The following CDKAL1 variants were observed in gnomAD, a reference collection of about 807,000 sequenced individuals.
CDKAL1 encodes CDKAL1 threonylcarbamoyladenosine tRNA methylthiotransferase, also known as threonylcarbamoyladenosine tRNA methylthiotransferase.
CDKAL1 carries 32 observed loss-of-function variants against 68.2 expected under a neutral mutation model. The observed-to-expected ratio is 0.47, with a 90% confidence interval of 0.35 to 0.63. The LOEUF (loss-of-function observed/expected upper bound fraction) is 0.63, where lower values mean the gene tolerates loss of function less well. Ranked by LOEUF, CDKAL1 falls within the 30% of genes least tolerant of loss-of-function variation. CDKAL1 has a pLI of 0.00. For missense variants in CDKAL1, 606 were observed against 696.7 expected (o/e 0.87, Z 1.47); for synonymous variants, 234 against 244.3 (o/e 0.96, Z 0.39).
At chr6:20,836,082 A>G (rs1284302003) in intron 8 of CDKAL1, among the ~76,000 whole-genome samples, 1 of 152,120 alleles carries the variant, frequency 6.6e-6, no homozygotes, top group Admixed American at 6.6e-5. Context: ...TCCTATGTAG[A>G]TGAAAAAGGA....
At chr6:20,788,592 G>A (rs1267747237) in intron 8 of CDKAL1, among the ~76,000 whole-genome samples, 10 of 152,154 alleles carry the variant, frequency 6.6e-5, no homozygotes, top group African/African-American at 2.4e-4. Flanking sequence ...AGTAAATTAG[G>A]TGAGATCTTA....
At chr6:20,592,790 G>C (rs1254343646) in intron 4 of CDKAL1, among the ~76,000 whole-genome samples, 1 of 152,050 alleles carries the variant, frequency 6.6e-6, no homozygotes, top group Non-Finnish European at 1.5e-5. Context: ...ATTCAGTTTG[G>C]TATTGGCTAT....
At chr6:20,946,369 T>C (rs1040001379) in intron 9 of CDKAL1, among the ~76,000 whole-genome samples, 2 of 152,186 alleles carry the variant, frequency 1.3e-5, no homozygotes, top group Admixed American at 6.5e-5. Flanking sequence ...CTTAGTACCT[T>C]GATTCATTCA....
chr6:20,669,941 A>AT (rs1391132889), intron 5 of CDKAL1, among the ~76,000 whole-genome samples: 1 of 151,942 alleles, frequency 6.6e-6, no homozygotes, highest in African/African-American at 2.4e-5. Context: ...ACAAACACCT[A>AT]TAACTATTTC....
chr6:20,876,480 T>G (rs1214736421), intron 9 of CDKAL1, among the ~76,000 whole-genome samples: 1 of 152,250 alleles, frequency 6.6e-6, no homozygotes, highest in African/African-American at 2.4e-5. Flanking sequence ...AGTGGACATA[T>G]TTTAGGCAAA....
intron 9 of CDKAL1, among the ~76,000 whole-genome samples, chr6:20,941,950 A>T (rs1452323988): frequency 3.3e-5 from 5 of 152,216 alleles, no homozygotes; most frequent in African/African-American, 1.2e-4. Flanking sequence ...CGGCAAGAGG[A>T]TAACTAACAT....
intron 10 of CDKAL1, among the ~76,000 whole-genome samples, chr6:20,969,717 T>C (rs1415642181): frequency 6.6e-6 from 1 of 152,180 alleles, no homozygotes; most frequent in African/African-American, 2.4e-5. Flanking sequence ...CCTGGAATGC[T>C]CCATCAGGTA....
At chr6:20,803,729 C>G (rs1164984495) in intron 8 of CDKAL1, among the ~76,000 whole-genome samples, 1 of 151,970 alleles carries the variant, frequency 6.6e-6, no homozygotes, top group African/African-American at 2.4e-5. Context: ...TGGGGAGAAT[C>G]AGGGGAGCTG....
chr6:20,834,697 T>C (rs1777857126), intron 8 of CDKAL1, among the ~76,000 whole-genome samples: 1 of 152,244 alleles, frequency 6.6e-6, no homozygotes, highest in Non-Finnish European at 1.5e-5. Flanking sequence ...TTTTCTACCA[T>C]TTAAGTTTCT....
intron 8 of CDKAL1, among the ~76,000 whole-genome samples, chr6:20,824,028 A>G (rs190637424): frequency 2.0e-3 from 298 of 152,266 alleles, no homozygotes; most frequent in Non-Finnish European, 3.6e-3. Context: ...ATGGTTGGCC[A>G]GGATGGACTG....
chr6:20,972,161 C>T (rs1319286755), intron 10 of CDKAL1, among the ~76,000 whole-genome samples: 2 of 152,168 alleles, frequency 1.3e-5, no homozygotes, highest in Non-Finnish European at 2.9e-5. Flanking sequence ...AAGTGTTTTT[C>T]ATGCTGTAAA....
intron 5 of CDKAL1, among the ~76,000 whole-genome samples, chr6:20,660,369 TAATA>T (rs1381908775): frequency 1.3e-5 from 2 of 152,188 alleles, no homozygotes; most frequent in African/African-American, 4.8e-5. Flanking sequence ...CAGATATCAT[TAATA>T]GACAAAGACC....
intron 8 of CDKAL1, among the ~76,000 whole-genome samples, chr6:20,800,170 A>G (rs921857784): frequency 4.0e-4 from 20 of 50,280 alleles, no homozygotes; most frequent in African/African-American, 1.6e-3. Flanking sequence ...CTTTTCTTTT[A>G]AAGCAGATTC....
intron 11 of CDKAL1, among the ~76,000 whole-genome samples, chr6:21,016,616 C>CCATT (rs1301625841): frequency 2.9e-5 from 2 of 68,944 alleles, no homozygotes; most frequent in African/African-American, 1.2e-4. Context: ...TTCCATTCAT[C>CCATT]CATCCATCCA....
intron 2 of CDKAL1, among the ~76,000 whole-genome samples, chr6:20,543,171 T>G (rs1218743288): frequency 6.6e-6 from 1 of 152,238 alleles, no homozygotes; most frequent in Non-Finnish European, 1.5e-5. Flanking sequence ...TTTATTTCTC[T>G]TGGATAATTG....
At chr6:20,561,382 C>T (rs977621996) in intron 4 of CDKAL1, among the ~76,000 whole-genome samples, 1 of 133,990 alleles carries the variant, frequency 7.5e-6, no homozygotes, top group African/African-American at 2.8e-5. Flanking sequence ...GTGGAGATTG[C>T]AGTGAGCTGA....
chr6:20,701,724 C>T lies in CDKAL1; in HGVS notation c.372-37795C>T, dbSNP rs953933413. ...ACCTACCAGAACTTTGAGTTATGTT[C>T]CCCCAGCCACCCTTAGTAAATATCC... is the stretch of plus-strand genomic sequence containing the variant. On this transcript the variant is annotated intron_variant, in intron 5 of 15. Coordinates refer to ENST00000274695, the MANE Select transcript of CDKAL1 (RefSeq NM_017774.3). 2.6e-5 allele frequency among the ~76,000 whole-genome samples: 4 copies of T among 152,076 alleles called. No homozygotes were observed. In the East Asian group the frequency reaches 5.8e-4, roughly 22 times the overall value.
chr6:21,055,069 G>A (rs1770753696), intron 11 of CDKAL1, among the ~76,000 whole-genome samples: 1 of 152,114 alleles, frequency 6.6e-6, no homozygotes, highest in African/African-American at 2.4e-5. Flanking sequence ...AATCATGAAT[G>A]GGTGTTTGAT....
At chr6:20,630,871 G>T (rs1476499707) in intron 4 of CDKAL1, among the ~76,000 whole-genome samples, 1 of 152,170 alleles carries the variant, frequency 6.6e-6, no homozygotes, top group Non-Finnish European at 1.5e-5. Context: ...TAAATACTTA[G>T]GTCATGGGGT....
Sources: allele counts gnomAD v4.1 joint callset (sites outside exome capture counted in the v4.1 genomes callset), GRCh38; gene constraint gnomAD v4.1.1; transcripts MANE v1.5; gene names NCBI Gene and HGNC (gene_info 2026-07-23, HGNC 2026-07-21).